FGF14: variants seen among roughly 807,000 people sequenced by gnomAD.
FGF14 encodes fibroblast growth factor 14.
In FGF14, 5 loss-of-function variants were observed where a neutral mutation model predicts 25.5. The ratio of observed to expected loss-of-function variants is 0.20; its 90% confidence interval spans 0.10 to 0.41. The LOEUF (loss-of-function observed/expected upper bound fraction) is 0.41. Among genes scored for constraint, FGF14 ranks in the 10% least tolerant of loss-of-function variants. The pLI is 1.00. For synonymous variants in FGF14, 138 were observed against 118.3 expected (o/e 1.17, Z -1.08); for missense variants, 222 against 320.1 (o/e 0.69, Z 2.34).
chr13:102,202,194 C>G (rs2049688712), intron 1 of FGF14, among the ~76,000 whole-genome samples: 1 of 152,196 alleles, frequency 6.6e-6, no homozygotes, highest in Admixed American at 6.5e-5. Context: ...AGTTAAACCT[C>G]TTTTCTTTAT....
At chr13:102,123,986 A>G (rs1026736837) in intron 1 of FGF14, among the ~76,000 whole-genome samples, 5 of 152,194 alleles carry the variant, frequency 3.3e-5, no homozygotes, top group Non-Finnish European at 7.4e-5. Flanking sequence ...GCAGATTTAC[A>G]TGTGAATAAA....
Position 102,132,667 on chromosome 13 carries a change from T to C in FGF14, c.209-257371A>G, listed in dbSNP as rs148668842. 6.1e-3 allele frequency among the ~76,000 whole-genome samples: 932 copies of C among 152,028 alleles called. 5 individuals are homozygous for C. Among genetic ancestry groups the C allele is most frequent in the Non-Finnish European group, 9.7e-3 (656 of 67,972 alleles). ...AAGTAGCTGGGACTATAGGTGTGCA[T>C]CACCACATCACTTGGCTAATTTTTT... On this transcript the variant is annotated intron_variant, in intron 1 of 4. Transcript: ENST00000376131.
chr13:101,816,977 G>C (rs183697939), intron 3 of FGF14, among the ~76,000 whole-genome samples: 20 of 152,182 alleles, frequency 1.3e-4, no homozygotes, highest in African/African-American at 4.8e-4. Context: ...GGCAGGTTTT[G>C]AAAGCTAAGT....
intron 3 of FGF14, among the ~76,000 whole-genome samples, chr13:101,736,723 T>A (rs2036213579): frequency 6.6e-6 from 1 of 152,098 alleles, no homozygotes; most frequent in Non-Finnish European, 1.5e-5. Flanking sequence ...TGCTAAAGGC[T>A]TTGCATACAT....
At chr13:101,901,909 A>C (rs2031607125) in intron 1 of FGF14, among the ~76,000 whole-genome samples, 1 of 152,198 alleles carries the variant, frequency 6.6e-6, no homozygotes, top group South Asian at 2.1e-4. Context: ...TTTAAGCTTT[A>C]CTGAGACATA....
At chr13:102,222,706 A>T (rs1340684238) in intron 1 of FGF14, among the ~76,000 whole-genome samples, 2 of 152,206 alleles carry the variant, frequency 1.3e-5, no homozygotes, top group Non-Finnish European at 2.9e-5. Context: ...CTCACTCAGG[A>T]TGTTTCTTCC....
chr13:102,022,962 G>A (rs1411366923), intron 1 of FGF14, among the ~76,000 whole-genome samples: 1 of 145,344 alleles, frequency 6.9e-6, no homozygotes, highest in Non-Finnish European at 1.5e-5. Flanking sequence ...TAGGACAAAG[G>A]CAAAGTTCAA....
At chr13:102,000,030 T>C (rs949594194) in intron 1 of FGF14, among the ~76,000 whole-genome samples, 5 of 152,140 alleles carry the variant, frequency 3.3e-5, no homozygotes, top group African/African-American at 4.8e-5. Context: ...AAAAAACTCA[T>C]GTTTGCCGGG....
intron 1 of FGF14, among the ~76,000 whole-genome samples, chr13:102,079,039 T>G (rs2043495826): frequency 6.6e-6 from 1 of 152,130 alleles, no homozygotes; most frequent in Admixed American, 6.6e-5. Flanking sequence ...AGTGTTGGAT[T>G]TAGGTTGCAG....
chr13:101,782,948 G>A (rs1396471730), intron 3 of FGF14, among the ~76,000 whole-genome samples: 2 of 152,116 alleles, frequency 1.3e-5, no homozygotes, highest in Non-Finnish European at 2.9e-5. Context: ...TTGAGGAATT[G>A]TCACTCTGTC....
At chr13:101,967,444 A>G (rs1323060453) in intron 1 of FGF14, among the ~76,000 whole-genome samples, 2 of 152,228 alleles carry the variant, frequency 1.3e-5, no homozygotes, top group Non-Finnish European at 2.9e-5. Context: ...CAGTATAAAC[A>G]AAGCTTGATT....
intron 1 of FGF14, among the ~76,000 whole-genome samples, chr13:102,057,904 T>G (rs2042507383): frequency 6.6e-6 from 1 of 152,198 alleles, no homozygotes; most frequent in Non-Finnish European, 1.5e-5. Flanking sequence ...TGGGATCACT[T>G]TCCATCACTA....
intron 1 of FGF14, among the ~76,000 whole-genome samples, chr13:102,242,749 A>G (rs1488264657): frequency 6.6e-6 from 1 of 152,074 alleles, no homozygotes; most frequent in African/African-American, 2.4e-5. Context: ...TCCTCTGGGC[A>G]TATCCACTTC....
chr13:101,918,750 G>A (rs571863925), upstream of FGF14, among the ~76,000 whole-genome samples: 4 of 152,302 alleles, frequency 2.6e-5, no homozygotes, highest in African/African-American at 7.2e-5. Context: ...CTTTTGGGAA[G>A]GAAATGCAAC....
At chr13:102,384,172 G>T (rs1349771657) in intron 1 of FGF14, among the ~76,000 whole-genome samples, 1 of 152,066 alleles carries the variant, frequency 6.6e-6, no homozygotes, top group African/African-American at 2.4e-5. Context: ...AAAAAGGGAA[G>T]TTAAAACTTG....
intron 1 of FGF14, among the ~76,000 whole-genome samples, chr13:102,365,162 A>AC (rs1688810353): frequency 6.6e-6 from 1 of 152,158 alleles, no homozygotes; most frequent in Non-Finnish European, 1.5e-5. Context: ...AGGGAGAAAC[A>AC]AAGTTCTTAA....
intron 1 of FGF14, among the ~76,000 whole-genome samples, chr13:101,924,355 CTTGT>C (rs2034216635): frequency 6.6e-6 from 1 of 152,028 alleles, no homozygotes; most frequent in Non-Finnish European, 1.5e-5. Flanking sequence ...TATATGTAAA[CTTGT>C]ACATCTGCAC....
intron 1 of FGF14, among the ~76,000 whole-genome samples, chr13:102,029,130 C>T (rs969571844): frequency 3.3e-5 from 5 of 152,048 alleles, no homozygotes; most frequent in South Asian, 2.1e-4. Context: ...AATCAACTAA[C>T]GAGCACTTCA....
chr13:101,965,468 A>G (rs1453312494), intron 1 of FGF14, among the ~76,000 whole-genome samples: 2 of 152,180 alleles, frequency 1.3e-5, no homozygotes, highest in East Asian at 3.9e-4. Context: ...TATAAAAAAA[A>G]TTCTTATCTG....
Sources: gnomAD v4.1 joint callset for allele counts (sites outside exome capture counted in the v4.1 genomes callset) on GRCh38, gnomAD v4.1.1 for gene constraint, MANE v1.5 for transcripts, NCBI Gene and HGNC (gene_info 2026-07-23, HGNC 2026-07-21) for gene names.